NCKAP5: variants seen among roughly 807,000 people sequenced by gnomAD.
The protein encoded by NCKAP5 is NCK associated protein 5, also known as nck-associated protein 5.
Under a neutral mutation model 167.0 loss-of-function variants are expected in NCKAP5, and 92 were observed. The ratio of observed to expected loss-of-function variants is 0.55; its 90% CI spans 0.47 to 0.66. The LOEUF (loss-of-function observed/expected upper bound fraction) is 0.66. Ranked by LOEUF, NCKAP5 falls within the 30% of genes least tolerant of loss-of-function variation. NCKAP5 has a pLI of 0.00. For synonymous variants in NCKAP5, 891 were observed against 877.4 expected, an observed-to-expected ratio of 1.02 and a Z score of -0.27; for missense variants, 2,378 against 2,315.0, an observed-to-expected ratio of 1.03 and a Z score of -0.56.
chr2:133,276,986 TTAACACTCTTCCTGATGAAAA>T (rs1395928477), intron 4 of NCKAP5, among the ~76,000 whole-genome samples: 1 of 152,126 alleles, frequency 6.6e-6, no homozygotes, highest in Non-Finnish European at 1.5e-5. Flanking sequence ...AACTGAAAAT[TTAACACTCTTCCTGATGAAAA>T]TAGGAATTGA....
At chr2:133,278,639 T>A (rs1238917748) in intron 4 of NCKAP5, among the ~76,000 whole-genome samples, 1 of 152,162 alleles carries the variant, frequency 6.6e-6, no homozygotes, top group Non-Finnish European at 1.5e-5. Flanking sequence ...TGTGGGTAAT[T>A]ATTTTTCCTA....
At chr2:133,423,447 C>CT (rs1245198658) in intron 3 of NCKAP5, among the ~76,000 whole-genome samples, 1 of 151,538 alleles carries the variant, frequency 6.6e-6, no homozygotes, top group Non-Finnish European at 1.5e-5. Flanking sequence ...CAAGCCTGTT[C>CT]TTTTTTTTTA....
At chr2:132,772,786 G>C (rs1196120934) in intron 16 of NCKAP5, among the ~76,000 whole-genome samples, 2 of 152,176 alleles carry the variant, frequency 1.3e-5, no homozygotes, top group Non-Finnish European at 1.5e-5. Flanking sequence ...TAAGCCACGG[G>C]GGTAAAACAA....
the NCKAP5 span, among the ~76,000 whole-genome samples, chr2:133,586,991 G>C: frequency 1.2e-4 from 18 of 152,254 alleles, no homozygotes; most frequent in Non-Finnish European, 1.3e-4. Flanking sequence ...CTATCTTTTA[G>C]CCCTGACTAA....
chr2:133,092,957 G>T (rs956523983), intron 6 of NCKAP5, among the ~76,000 whole-genome samples: 1 of 152,338 alleles, frequency 6.6e-6, no homozygotes, highest in East Asian at 1.9e-4. Flanking sequence ...CAGCTCAGGT[G>T]CCAGGTGGTT....
At chr2:132,958,253 T>A (rs2076400661) in intron 8 of NCKAP5, among the ~76,000 whole-genome samples, 2 of 152,158 alleles carry the variant, frequency 1.3e-5, no homozygotes, top group Non-Finnish European at 2.9e-5. Flanking sequence ...TGGTTATTAT[T>A]ATTCCCATTA....
At position 133,339,330 on chromosome 2, in the gene NCKAP5, G is replaced by GA. The variant is rs1007816983; in HGVS notation, c.70-36221dup. 7.5e-3 allele frequency among the ~76,000 whole-genome samples: 1,106 copies of GA among 147,648 alleles called. 14 individuals are homozygous for GA. The highest frequency in any genetic ancestry group is 0.023 in the African/African-American group (925 of 40,476). On this transcript the variant is annotated intron_variant, in intron 3 of 19. Transcript: ENST00000409261. Reference sequence around the variant, plus strand: ...AAGAACACAAGGCCAAGTCACTGGGGAAAAAAAAAAATTCTATGAAACAGG... The same window carrying GA: ...AAGAACACAAGGCCAAGTCACTGGGGAAAAAAAAAAAATTCTATGAAACAGG...
rs140034181 is a variant in NCKAP5, at chr2:133,099,583, A to T, written c.341+30395T>A. ...AATTTGCCCCATGTAGCTTCTAAAA[A>T]CACAGGTGATTTCTCAAACATCTTT... On this transcript the variant is annotated intron_variant, in intron 6 of 19. Transcript: ENST00000409261. Among the ~76,000 whole-genome samples the T allele has an allele frequency of 4.1e-3, 627 of 152,290 alleles. 4 individuals are homozygous for T. The highest frequency in any genetic ancestry group is 0.013 in the African/African-American group (555 of 41,562).
intron 4 of NCKAP5, among the ~76,000 whole-genome samples, chr2:133,238,113 G>A (rs1355621367): frequency 6.6e-6 from 1 of 152,192 alleles, no homozygotes; most frequent in Non-Finnish European, 1.5e-5. Context: ...TTAGTCAAGT[G>A]ATGGAAAGTT....
rs566023913 is a variant in NCKAP5, at chr2:133,245,628, A to T, written c.144-31849T>A. ...TCTTCCGTATGTATGTTACACCTCA[A>T]TAAATTTTTTTTTAATTAAAGGCGC... On this transcript the variant is annotated intron_variant, in intron 4 of 19. Coordinates refer to ENST00000409261, the MANE Select transcript of NCKAP5 (RefSeq NM_207363.3). 5.3e-5 allele frequency among the ~76,000 whole-genome samples: 8 copies of T among 152,270 alleles called. No individual in the cohort carries two copies. In the South Asian group the frequency reaches 1.7e-3, roughly 32 times the overall value.
chr2:133,621,250 C>A, the NCKAP5 span, among the ~76,000 whole-genome samples: 1 of 151,484 alleles, frequency 6.6e-6, no homozygotes, highest in Admixed American at 6.6e-5. Context: ...AAACCCAGCA[C>A]AAGAAAGAAA....
chr2:132,939,982 G>C (rs1463878097), intron 8 of NCKAP5, among the ~76,000 whole-genome samples: 1 of 152,048 alleles, frequency 6.6e-6, no homozygotes, highest in Non-Finnish European at 1.5e-5. Flanking sequence ...CCTGGGTGGA[G>C]TGAGATGCTG....
chr2:133,347,296 G>A (rs1035383167), intron 3 of NCKAP5, among the ~76,000 whole-genome samples: 1 of 152,124 alleles, frequency 6.6e-6, no homozygotes, highest in Non-Finnish European at 1.5e-5. Context: ...GCTCACACCT[G>A]TAATCCCAGC....
At chr2:133,129,575 T>C (rs71413536) in intron 6 of NCKAP5, among the ~76,000 whole-genome samples, 30,962 of 152,164 alleles carry the variant, frequency 0.2, 3,411 homozygotes, top group Non-Finnish European at 0.24. Context: ...TGTGTCTTTA[T>C]AGCAGCATGA....
chr2:132,702,482 A>C (rs55723692), intron 19 of NCKAP5, among the ~76,000 whole-genome samples: 1 of 152,184 alleles, frequency 6.6e-6, no homozygotes, highest in African/African-American at 2.4e-5. Context: ...CCAGAGATAC[A>C]GTTGTCTCTG....
intron 16 of NCKAP5, among the ~76,000 whole-genome samples, chr2:132,761,806 G>A (rs1331287415): frequency 1.3e-5 from 2 of 152,068 alleles, no homozygotes; most frequent in South Asian, 4.1e-4. Flanking sequence ...CCTAGAACAG[G>A]TCATGTTCCC....
chr2:132,916,562 G>A (rs1694895661), intron 8 of NCKAP5, among the ~76,000 whole-genome samples: 1 of 151,744 alleles, frequency 6.6e-6, no homozygotes, highest in Non-Finnish European at 1.5e-5. Flanking sequence ...GATTATTTCT[G>A]TATTAACTGT....
chr2:133,132,133 A>G (rs2149802332), intron 5 of NCKAP5, among the ~76,000 whole-genome samples: 1 of 151,968 alleles, frequency 6.6e-6, no homozygotes, highest in Non-Finnish European at 1.5e-5. Context: ...ACTAAAAATA[A>G]AAAAATTAGC....
the NCKAP5 span, among the ~76,000 whole-genome samples, chr2:133,609,537 C>A: frequency 6.6e-6 from 1 of 152,086 alleles, no homozygotes; most frequent in South Asian, 2.1e-4. Flanking sequence ...AAGCCATACT[C>A]TCACCCGATG....
Sources: allele counts gnomAD v4.1 joint callset (sites outside exome capture counted in the v4.1 genomes callset), GRCh38; gene constraint gnomAD v4.1.1; transcripts MANE v1.5; gene names NCBI Gene and HGNC (gene_info 2026-07-23, HGNC 2026-07-21).